SLC12A8: variants seen among roughly 807,000 people sequenced by gnomAD.
SLC12A8 encodes the protein solute carrier family 12 member 8.
SLC12A8 carries 69 observed loss-of-function variants against 75.6 expected under a neutral mutation model. The observed-to-expected ratio is 0.91, with a 90% CI of 0.75 to 1.11. The LOEUF (loss-of-function observed/expected upper bound fraction) is 1.11. Ranked by LOEUF, SLC12A8 falls within the 50% of genes most tolerant of loss-of-function variation. The pLI, the probability that SLC12A8 is intolerant of heterozygous loss-of-function variation, is 0.00. For missense variants in SLC12A8, 877 were observed against 896.7 expected (o/e 0.98, Z 0.28); for synonymous variants, 365 against 372.8 (o/e 0.98, Z 0.24).
chr3:125,185,427 GT>G (rs1254950132), intron 4 of SLC12A8, among the ~76,000 whole-genome samples: 2 of 147,900 alleles, frequency 1.4e-5, no homozygotes, highest in Non-Finnish European at 3.0e-5. Flanking sequence ...TCAAGAAGAA[GT>G]AGAAAATCAG....
chr3:125,185,600 C>A (rs1934761216), intron 4 of SLC12A8, among the ~76,000 whole-genome samples: 1 of 152,146 alleles, frequency 6.6e-6, no homozygotes, highest in Non-Finnish European at 1.5e-5. Flanking sequence ...GGAGGGAACA[C>A]CTTCCAACTC....
intron 11 of SLC12A8, 87 bp from the exon 12 acceptor site, chr3:125,091,643 A>G: frequency 2.4e-6 from 2 of 841,634 alleles, no homozygotes; most frequent in Non-Finnish European, 4.1e-6. Flanking sequence ...CAGCAACAAC[A>G]TTCCCTCTCA....
chr3:125,169,018 C>T (rs2107782699), intron 5 of SLC12A8, among the ~76,000 whole-genome samples: 1 of 152,336 alleles, frequency 6.6e-6, no homozygotes, highest in South Asian at 2.1e-4. Flanking sequence ...AGGCTACCGT[C>T]TTCCTAGATA....
chr3:125,187,519 A>G lies in SLC12A8; in HGVS notation c.199-91T>C. ...GGCATTGACCACCTCCCCTCCTCCC[A>G]CAGCACTGGAATAGGGGCCAGGGGT... On this transcript the variant is annotated intron_variant, in intron 3 of 13. Transcript: ENST00000469902. 5 of 1,203,004 alleles carry G rather than the reference A, an allele frequency of 4.2e-6. No individual in the cohort carries two copies. In the South Asian group the frequency reaches 5.5e-5, roughly 13 times the overall value. 74.5% of individuals were successfully genotyped at this position (1,203,004 alleles called of 1,614,324 possible).
intron 2 of SLC12A8, chr3:125,206,766 A>T (rs1935233825): frequency 6.6e-6 from 1 of 152,268 alleles, no homozygotes; most frequent in Non-Finnish European, 1.5e-5. Context: ...GGAAACTTTC[A>T]ATCATGGTGG....
intron 5 of SLC12A8, among the ~76,000 whole-genome samples, chr3:125,146,477 A>ACAAACAAT (rs541969487): frequency 4.5e-4 from 68 of 152,358 alleles, no homozygotes; most frequent in African/African-American, 1.6e-3. Context: ...AAACAAACAA[A>ACAAACAAT]CAAACAATCA....
intron 6 of SLC12A8, 134 bp from the exon 7 acceptor site, chr3:125,120,820 G>A (rs537134729): frequency 1.4e-6 from 1 of 729,682 alleles, no homozygotes; most frequent in African/African-American, 1.7e-5. Flanking sequence ...CTGCAGCTCT[G>A]CGCATAGGCT....
chr3:125,147,012 G>A (rs1933793208), intron 5 of SLC12A8, among the ~76,000 whole-genome samples: 1 of 152,164 alleles, frequency 6.6e-6, no homozygotes, highest in Non-Finnish European at 1.5e-5. Flanking sequence ...GGAGTTTGCC[G>A]ACGTCTGGAA....
chr3:125,125,936 A>G, intron 6 of SLC12A8: 4 of 985,182 alleles, frequency 4.1e-6, no homozygotes, highest in Non-Finnish European at 4.8e-6. Context: ...CGCCACAGGC[A>G]CTTGCATCAC....
At chr3:125,185,213 G>A (rs1413973133) in intron 4 of SLC12A8, among the ~76,000 whole-genome samples, 7 of 152,070 alleles carry the variant, frequency 4.6e-5, no homozygotes, top group Admixed American at 4.6e-4. Flanking sequence ...CCAGCTACTC[G>A]GGAGGCTGAG....
chr3:125,185,205 A>G lies in SLC12A8; in HGVS notation c.390+2032T>C, dbSNP rs549737608. The stretch of plus-strand genomic sequence containing the variant: ...TGTGGTGGCGCATGCCTGTAACCCC[A>G]GCTACTCGGGAGGCTGAGGCAGGAG... On this transcript the variant is annotated intron_variant, in intron 4 of 13. Transcript: ENST00000469902. 5.4e-4 allele frequency among the ~76,000 whole-genome samples: 82 copies of G among 152,184 alleles called. 1 individual carries two copies. The highest frequency in any genetic ancestry group is 1.0e-3 in the Non-Finnish European group (71 of 68,036).
At chr3:125,161,501 C>T (rs547850168) in intron 5 of SLC12A8, among the ~76,000 whole-genome samples, 5 of 152,276 alleles carry the variant, frequency 3.3e-5, no homozygotes, top group Non-Finnish European at 5.9e-5. Flanking sequence ...TGGATTCCAA[C>T]TGACCTGCAG....
intron 2 of SLC12A8, among the ~76,000 whole-genome samples, chr3:125,207,684 C>T (rs559338764): frequency 3.5e-4 from 53 of 152,210 alleles, no homozygotes; most frequent in Non-Finnish European, 4.7e-4. Context: ...CTCCTGCCAA[C>T]GCAGTCTTCC....
chr3:125,168,336 A>G (rs912190363), intron 5 of SLC12A8, among the ~76,000 whole-genome samples: 7 of 152,186 alleles, frequency 4.6e-5, no homozygotes, highest in African/African-American at 1.7e-4. Context: ...AGAAAAGGCT[A>G]ACTAAAGAGA....
chr3:125,159,911 G>A (rs1382851030), intron 5 of SLC12A8, among the ~76,000 whole-genome samples: 1 of 152,210 alleles, frequency 6.6e-6, no homozygotes, highest in Non-Finnish European at 1.5e-5. Flanking sequence ...GTCTAAGAGT[G>A]ACTGCTGTGG....
chr3:125,187,469 GA>G, intron 3 of SLC12A8, 41 bp from the exon 4 acceptor site: 1 of 1,588,962 alleles, frequency 6.3e-7, no homozygotes, highest in South Asian at 1.1e-5. Context: ...ATTAGGTGAG[GA>G]GGCCCCGCCA....
At chr3:125,147,091 G>A (rs1034375059) in intron 5 of SLC12A8, among the ~76,000 whole-genome samples, 12 of 152,254 alleles carry the variant, frequency 7.9e-5, no homozygotes, top group African/African-American at 2.9e-4. Flanking sequence ...AACACAAAGT[G>A]CAGCGTCTCA....
chr3:125,190,652 AGT>A, intron 2 of SLC12A8, 131 bp from the exon 3 acceptor site: 51 of 1,034,976 alleles, frequency 4.9e-5, no homozygotes, highest in Middle Eastern at 3.0e-4. Flanking sequence ...TGCCAGGGCA[AGT>A]GTGTGTGTAT....
chr3:125,190,410 C>T lies in SLC12A8; in HGVS notation c.163G>A (p.Gly55Arg), dbSNP rs1198130801. 6.2e-7 allele frequency: 1 copy of T among 1,614,070 alleles called. No individual in the cohort carries two copies. Among genetic ancestry groups the T allele is most frequent in the Non-Finnish European group, 8.5e-7 (1 of 1,180,042 alleles). ...VFTSCMINIF[G>R]VVLFLRTGWL... is the part of the protein sequence containing the mutation. ...CCAGTCCTCAGGAAGAGCACAACCC[C>T]AAAGATGTTGATCATGCAGGATGTG... is the stretch of plus-strand genomic sequence containing the variant. The change falls in exon 3 of 14, where the codon GGG (glycine) becomes AGG (arginine). Residue 55 changes from glycine to arginine, a missense_variant. Physicochemically the swap from Gly to Arg is moderately radical, Grantham distance 125. Transcript: ENST00000469902.
Sources: allele counts gnomAD v4.1 joint callset (sites outside exome capture counted in the v4.1 genomes callset), GRCh38; gene constraint gnomAD v4.1.1; transcripts MANE v1.5; gene names NCBI Gene and HGNC (gene_info 2026-07-23, HGNC 2026-07-21).